Variants in ZAN observed in about 807,000 individuals in gnomAD.
ZAN encodes the protein zonadhesin (gene/pseudogene).
Under a neutral mutation model 286.2 loss-of-function variants are expected in ZAN, and 260 were observed. The ratio of observed to expected loss-of-function variants is 0.91; its 90% CI spans 0.82 to 1.01. The LOEUF (loss-of-function observed/expected upper bound fraction) is 1.01, where lower values mean the gene tolerates loss of function less well. Ranked by LOEUF, ZAN falls within the 50% of genes least tolerant of loss-of-function variation. The probability of loss-of-function intolerance (pLI) is 0.00; values close to 1 mark genes in which losing one functional copy is unlikely to be tolerated. For synonymous variants in ZAN, 1,368 were observed against 1,417.5 expected (o/e 0.97, Z 0.79); for missense variants, 3,410 against 3,639.2 (o/e 0.94, Z 1.62).
chr7:100,785,930 A>T, intron 36 of ZAN, 67 bp from the exon 37 acceptor site: 1 of 1,537,594 alleles, frequency 6.5e-7, no homozygotes, highest in Non-Finnish European at 8.7e-7. Flanking sequence ...AAGTGTTGGG[A>T]TTACAGGCGT....
chr7:100,775,820 C>T lies in ZAN; in HGVS notation c.6179C>T (p.Thr2060Ile), dbSNP rs138582881. The T allele has an allele frequency of 6.3e-5, 102 of 1,613,710 alleles. No individual in the cohort carries two copies. The African/African-American group carries it at 1.3e-3, about 20-fold the overall frequency. The change falls in exon 33 of 48, where the codon ACC (threonine) becomes ATC (isoleucine). Residue 2060 changes from threonine (T) to isoleucine (I), a missense_variant. This residue lies in a region of ZAN where 1,289 missense variants were observed against 1,314.3 expected (regional missense o/e 0.98). Coordinates refer to ENST00000613979, the MANE Select transcript of ZAN (RefSeq NM_003386.3). ...CTCTTAGAGATTGAAATCCCCACAA[C>T]CTACTATGGAAAGGTGAGGAAAACA... is the stretch of plus-strand genomic sequence containing the variant. The part of the protein sequence containing the change: ...NHLLEIEIPT[T>I]YYGKVCGMCG...
Position 100,736,480 on chromosome 7 carries a change from T to C in ZAN, c.107-3T>C. ...AAACCTCACTGTGACCCATTCTTCC[T>C]AGATGTCCTCACCCAGTGTGATTTT... On this transcript the variant is annotated splice_region_variant and splice_polypyrimidine_tract_variant and intron_variant, in intron 3 of 47. Transcript: ENST00000613979. The C allele has an allele frequency of 6.6e-7, 1 of 1,523,670 alleles. No individual in the cohort carries two copies. Among genetic ancestry groups the C allele is most frequent in the Non-Finnish European group, 9.0e-7 (1 of 1,107,862 alleles). 94.4% of individuals were successfully genotyped at this position (1,523,670 alleles called of 1,614,324 possible).
chr7:100,792,059 C>T lies in ZAN; in HGVS notation c.7623C>T (p.Ser2541=), dbSNP rs751537325. Residue 2541 remains serine, a synonymous_variant, in exon 41 of 48, where the codon AGC becomes AGT. Coordinates refer to ENST00000613979, the MANE Select transcript of ZAN (RefSeq NM_003386.3). The part of the protein sequence containing the change: ...VSECSPEQLA[S]NSTQACRVLA... Reference sequence around the variant, plus strand: ...AATGTAGCCCGGAGCAGCTGGCGAGCAACAGCACCCAGGCCTGTAGGGTGC... The same window carrying T: ...AATGTAGCCCGGAGCAGCTGGCGAGTAACAGCACCCAGGCCTGTAGGGTGC... The T allele has an allele frequency of 6.2e-6, 10 of 1,613,140 alleles. 1 individual carries two copies. In the South Asian group the frequency reaches 1.1e-4, roughly 18 times the overall value.
chr7:100,748,336 A>T lies in ZAN; in HGVS notation c.1115A>T (p.Gln372Leu). ...TTTGATCCCCCAGAGGGTTTTCCTC[A>T]GTGTGACTTTGAAGACAACGCCCAT... The part of the protein sequence containing the change: ...SIAPCGEGFP[Q>L]CDFEDNAHPF... Residue 372 changes from glutamine (Q) to leucine (L), a missense_variant, in exon 11 of 48, where the codon CAG (glutamine) becomes CTG (leucine). Physicochemically the swap from Gln to Leu is moderately radical, Grantham distance 113. Transcript: ENST00000613979. The T allele has an allele frequency of 6.2e-7, 1 of 1,613,982 alleles. No individual in the cohort carries two copies. The highest frequency in any genetic ancestry group is 8.5e-7 in the Non-Finnish European group (1 of 1,179,904).
rs1808233454 is a variant in ZAN at position 100,746,576 on chromosome 7, C to T, written c.805C>T (p.Pro269Ser). 2.5e-6 allele frequency: 4 copies of T among 1,614,002 alleles called. No homozygotes were observed. Among genetic ancestry groups the T allele is most frequent in the Non-Finnish European group, 3.4e-6 (4 of 1,179,884 alleles). Residue 269 changes from proline (P) to serine (S), a missense_variant, in exon 8 of 48, where the codon CCT becomes TCT. By Grantham distance (74) the Pro-to-Ser change is moderately conservative. This residue lies in a region of ZAN where 872 missense variants were observed against 938.9 expected (regional missense o/e 0.93). Coordinates refer to ENST00000613979, the MANE Select transcript of ZAN (RefSeq NM_003386.3). ...GCTCCTGGACCCCAAGAATGCAAGA[C>T]CTGGGCAGAAAGCTGTCCTCCTGAG... is the stretch of plus-strand genomic sequence containing the variant. ...YMLLDPKNAR[P>S]GQKAVLLSPV...
intron 19 of ZAN, among the ~76,000 whole-genome samples, chr7:100,761,304 G>T (rs1416644623): frequency 6.6e-6 from 1 of 152,248 alleles, no homozygotes; most frequent in Non-Finnish European, 1.5e-5. Context: ...AGGAATTCCA[G>T]ACCAGCCTGG....
intron 28 of ZAN, among the ~76,000 whole-genome samples, chr7:100,771,203 G>A (rs1810344938): frequency 6.6e-6 from 1 of 152,094 alleles, no homozygotes; most frequent in African/African-American, 2.4e-5. Flanking sequence ...CCCTCCTAAA[G>A]TGCTGAGGTT....
Position 100,737,410 on chromosome 7 carries a change from CAAG to C in ZAN, c.613+66_613+68del, listed in dbSNP as rs1235297965. On this transcript the variant is annotated intron_variant, in intron 6 of 47. Transcript: ENST00000613979. ...CCCTTTTCTCTCCGTCCTTGCACAACAAGAAGAGGATCCAGGGCGGGCGCGGTG... is the reference window on the plus strand; with the variant it reads ...CCCTTTTCTCTCCGTCCTTGCACAACAAGAGGATCCAGGGCGGGCGCGGTG... The C allele has an allele frequency of 3.2e-4, 380 of 1,201,456 alleles. 63 individuals carry two copies. Among genetic ancestry groups the C allele is most frequent in the Non-Finnish European group, 6.0e-5 (52 of 866,028 alleles). 74.4% of individuals were successfully genotyped at this position (1,201,456 alleles called of 1,614,324 possible). A position where few individuals can be genotyped will look rare whatever the true frequency, so the allele number is the denominator to read the frequency against.
rs576910565 is a variant in ZAN, at chr7:100,749,942, T to C, written c.1250-683T>C. 2.7e-5 allele frequency among the ~76,000 whole-genome samples: 4 copies of C among 148,878 alleles called. No individual in the cohort carries two copies. The South Asian group carries it at 8.5e-4, about 31-fold the overall frequency. The stretch of plus-strand genomic sequence containing the variant: ...GGTACACACCTGTAATCCCAGCTAC[T>C]TGGGAGGCTGAGGCAGGACAATCGC... On this transcript the variant is annotated intron_variant, in intron 11 of 47. Transcript: ENST00000613979.
At position 100,736,613 on chromosome 7, in the gene ZAN, G is replaced by A. The variant is rs1440436467; in HGVS notation, c.237G>A (p.Gly79=). ...PSPTGSTGAP[G]GYPNGEGSYL... ...CCACCGGCTCCACCGGGGCCCCCGG[G>A]GGGTACCCTAACGGAGGTGAGGGGC... Residue 79 remains glycine, a synonymous_variant, in exon 4 of 48, where the codon GGG becomes GGA. Transcript: ENST00000613979. 1.8e-5 allele frequency: 28 copies of A among 1,522,854 alleles called. 3 individuals are homozygous for A. Among genetic ancestry groups the A allele is most frequent in the Non-Finnish European group, 2.4e-5 (27 of 1,107,532 alleles). The allele number at this position is 1,522,854 out of a possible 1,614,324, so 94.3% of individuals were successfully genotyped here. A position where few individuals can be genotyped will look rare whatever the true frequency, so the allele number is the denominator to read the frequency against.
At chr7:100,750,059 AACACACACACACAC>A (rs373704697) in intron 11 of ZAN, among the ~76,000 whole-genome samples, 4 of 122,206 alleles carry the variant, frequency 3.3e-5, no homozygotes, top group Non-Finnish European at 5.1e-5. Flanking sequence ...TCAAAAAAAC[AACACACACACACAC>A]ACACACACAC....
In ZAN at chr7:100,785,850, G is replaced by A. The variant is rs1052779518; in HGVS notation, c.6835-147G>A. The A allele has an allele frequency of 2.1e-5, 22 of 1,031,758 alleles. No homozygotes were observed. The South Asian group carries it at 3.0e-4, about 14-fold the overall frequency. 63.9% of individuals were successfully genotyped at this position (1,031,758 alleles called of 1,614,324 possible). A position where few individuals can be genotyped will look rare whatever the true frequency, so the allele number is the denominator to read the frequency against. On this transcript the variant is annotated intron_variant, in intron 36 of 47. Transcript: ENST00000613979. Reference sequence around the variant, plus strand: ...ATTTTTGTATTTTTAGTAGAGACAGGGTTTCACCATGTTGGCTGGGCTCGT... The same window carrying A: ...ATTTTTGTATTTTTAGTAGAGACAGAGTTTCACCATGTTGGCTGGGCTCGT...
rs531510544 is a variant in ZAN at position 100,759,664 on chromosome 7, C to G, written c.3572-57C>G. The G allele has an allele frequency of 4.6e-4, 703 of 1,523,754 alleles. 4 individuals carry two copies. Among genetic ancestry groups the G allele is most frequent in the South Asian group, 4.4e-3 (353 of 80,194 alleles). The allele number at this position is 1,523,754 out of a possible 1,614,324, so 94.4% of individuals were successfully genotyped here. Reference sequence around the variant, plus strand: ...GCGGCGCCAGGCTCAGGGCACTGCTCGCGGCAGATGTTCAGAAATGAGCCA... The same window carrying G: ...GCGGCGCCAGGCTCAGGGCACTGCTGGCGGCAGATGTTCAGAAATGAGCCA... On this transcript the variant is annotated intron_variant, in intron 17 of 47. Coordinates refer to ENST00000613979, the MANE Select transcript of ZAN (RefSeq NM_003386.3).
At position 100,776,561 on chromosome 7, in the gene ZAN, C is replaced by T; in HGVS notation, c.6314C>T (p.Pro2105Leu). 1 of 1,553,152 alleles carries T rather than the reference C, an allele frequency of 6.4e-7. No homozygotes were observed. The highest frequency in any genetic ancestry group is 8.7e-7 in the Non-Finnish European group (1 of 1,147,640). Residue 2105 changes from proline (P) to leucine (L), a missense_variant, in exon 34 of 48, where the codon CCA (proline) becomes CTA (leucine). Pro to Leu is a moderately conservative substitution (Grantham distance 98, BLOSUM62 -3). Around this residue, in one of 7 missense-constraint regions of ZAN, gnomAD observed 1,289 missense variants for 1,314.3 expected, o/e 0.98. Coordinates refer to ENST00000613979, the MANE Select transcript of ZAN (RefSeq NM_003386.3). ...VNSWKDKDID[P>L]SCQSLLVDEQ... ...AGTTGGAAAGATAAGGACATTGACC[C>T]AAGGTAGTGGTCCCCTAAGACCCTC...
chr7:100,775,717 G>C lies in ZAN; in HGVS notation c.6076G>C (p.Val2026Leu). Residue 2026 changes from valine (V) to leucine (L), a missense_variant, in exon 33 of 48, where the codon GTC becomes CTC. By Grantham distance (32) the Val-to-Leu change is conservative. Around this residue, in one of 7 missense-constraint regions of ZAN, gnomAD observed 1,289 missense variants for 1,314.3 expected, o/e 0.98. Coordinates refer to ENST00000613979, the MANE Select transcript of ZAN (RefSeq NM_003386.3). ...CCCCGCCATCTCCCAGATCCCTGGG[G>C]TCAGTGTCAAGTCCAGCAGCATCTA... ...TLPAISQIPGVSVKSSSIYSI... is the reference protein window; with the variant it reads ...TLPAISQIPGLSVKSSSIYSI... 6.2e-7 allele frequency: 1 copy of C among 1,613,834 alleles called. No individual in the cohort carries two copies. Among genetic ancestry groups the C allele is most frequent in the Non-Finnish European group, 8.5e-7 (1 of 1,179,840 alleles).
chr7:100,775,076 C>T (rs562524734), intron 31 of ZAN, among the ~76,000 whole-genome samples: 11 of 152,264 alleles, frequency 7.2e-5, no homozygotes, highest in Admixed American at 3.9e-4. Flanking sequence ...TACAGGCACA[C>T]GTCACCACAC....
At chr7:100,792,605 G>A (rs1038078640) in intron 42 of ZAN, 126 bp downstream of exon 42, 4 of 1,508,188 alleles carry the variant, frequency 2.7e-6, no homozygotes, top group African/African-American at 2.8e-5. Context: ...TCTGCTGAAC[G>A]CTCTTCCCAC....
intron 16 of ZAN, 56 bp downstream of exon 16, chr7:100,758,399 C>T (rs778215905): frequency 3.2e-5 from 51 of 1,595,222 alleles, no homozygotes; most frequent in African/African-American, 5.4e-5. Context: ...GTAGACGTGA[C>T]GCCAGGATCC....
At chr7:100,782,738 G>A (rs1259714601) in intron 35 of ZAN, among the ~76,000 whole-genome samples, 1 of 151,870 alleles carries the variant, frequency 6.6e-6, no homozygotes, top group East Asian at 1.9e-4. Flanking sequence ...TTATCCTGAT[G>A]TGTAAAATGA....
Sources: allele counts gnomAD v4.1 joint callset (sites outside exome capture counted in the v4.1 genomes callset), GRCh38; gene constraint gnomAD v4.1.1; regional missense constraint gnomAD v4.1.1; transcripts MANE v1.5; gene names NCBI Gene and HGNC (gene_info 2026-07-23, HGNC 2026-07-21).